Variants in ST6GAL1 observed in about 807,000 individuals in gnomAD.
ST6GAL1 encodes the protein beta-galactoside alpha-2,6-sialyltransferase 1.
In ST6GAL1, 20 loss-of-function variants were observed where a neutral mutation model predicts 38.0. The observed-to-expected ratio is 0.53, with a 90% CI of 0.37 to 0.77. The LOEUF (loss-of-function observed/expected upper bound fraction) is 0.77. ST6GAL1 is among the 30% of genes least tolerant of loss of function. ST6GAL1 has a pLI of 0.00. For synonymous variants in ST6GAL1, 196 were observed against 188.2 expected (o/e 1.04, Z -0.34); for missense variants, 432 against 496.4 (o/e 0.87, Z 1.23).
At chr3:186,958,441 A>G (rs1714817035) in intron 1 of ST6GAL1, among the ~76,000 whole-genome samples, 1 of 152,062 alleles carries the variant, frequency 6.6e-6, no homozygotes, top group African/African-American at 2.4e-5. Context: ...ATTTTCTATA[A>G]TAGGAAGTTA....
chr3:187,068,045 A>T (rs1432448303), intron 5 of ST6GAL1, among the ~76,000 whole-genome samples: 1 of 152,220 alleles, frequency 6.6e-6, no homozygotes, highest in African/African-American at 2.4e-5. Context: ...CACATAGGTT[A>T]GAAGTGTGGT....
chr3:186,938,495 G>C (rs1027712145), intron 1 of ST6GAL1, among the ~76,000 whole-genome samples: 1 of 152,282 alleles, frequency 6.6e-6, no homozygotes, highest in Non-Finnish European at 1.5e-5. Context: ...TTAAGTAATA[G>C]CTGTTATTGT....
chr3:186,934,739 T>TA (rs1713880202), intron 1 of ST6GAL1, among the ~76,000 whole-genome samples: 6 of 145,946 alleles, frequency 4.1e-5, no homozygotes, highest in Non-Finnish European at 7.5e-5. Context: ...TACCAGCTTT[T>TA]AAAAAATTTT....
At chr3:187,057,364 T>C (rs1718741928) in intron 5 of ST6GAL1, among the ~76,000 whole-genome samples, 1 of 152,238 alleles carries the variant, frequency 6.6e-6, no homozygotes, top group Non-Finnish European at 1.5e-5. Flanking sequence ...GGAGCTGCGA[T>C]CCTTTGGAGG....
At chr3:186,943,475 G>A (rs1445751913) in intron 1 of ST6GAL1, among the ~76,000 whole-genome samples, 1 of 151,808 alleles carries the variant, frequency 6.6e-6, no homozygotes, top group East Asian at 1.9e-4. Context: ...ATTTTTAGAC[G>A]GAGTCTCGCT....
Position 187,075,735 on chromosome 3 carries a change from G to C in ST6GAL1, c.1153G>C (p.Gly385Arg). 6.2e-7 allele frequency: 1 copy of C among 1,614,202 alleles called. No homozygotes were observed. The highest frequency in any genetic ancestry group is 8.5e-7 in the Non-Finnish European group (1 of 1,180,040). Residue 385 changes from glycine to arginine, a missense_variant, in exon 8 of 8, where the codon GGC becomes CGC. Coordinates refer to ENST00000169298, the MANE Select transcript of ST6GAL1 (RefSeq NM_173216.2). This position sits in a 1 kb window ranked among gnomAD's most constrained non-coding sequence, Gnocchi z 4.1. ...GAATTTGGTGAAGCATCTCAACCAG[G>C]GCACAGATGAGGACATCTACCTGCT... The part of the protein sequence containing the change: ...EKNLVKHLNQ[G>R]TDEDIYLLGK...
chr3:186,957,927 A>G (rs1714801104), intron 1 of ST6GAL1, among the ~76,000 whole-genome samples: 1 of 152,164 alleles, frequency 6.6e-6, no homozygotes, highest in African/African-American at 2.4e-5. Flanking sequence ...TCTATGATGC[A>G]TTTGTTTCTC....
intron 5 of ST6GAL1, among the ~76,000 whole-genome samples, chr3:187,065,946 A>G (rs2108598293): frequency 6.6e-6 from 1 of 152,336 alleles, no homozygotes; most frequent in Non-Finnish European, 1.5e-5. Context: ...ACAGGAGCCC[A>G]GAAAGTAAGC....
At chr3:186,997,112 G>A (rs974628091) in intron 2 of ST6GAL1, among the ~76,000 whole-genome samples, 4 of 152,030 alleles carry the variant, frequency 2.6e-5, no homozygotes, top group African/African-American at 9.7e-5. Flanking sequence ...AAATAGTTAA[G>A]TAATAATATA....
chr3:187,010,116 C>T (rs1337692999), intron 2 of ST6GAL1, among the ~76,000 whole-genome samples: 3 of 152,128 alleles, frequency 2.0e-5, no homozygotes, highest in African/African-American at 7.2e-5. Context: ...GAGGTTATTT[C>T]AGGTTATTCA....
chr3:186,987,388 C>T (rs959146654), intron 2 of ST6GAL1, among the ~76,000 whole-genome samples: 2 of 152,070 alleles, frequency 1.3e-5, no homozygotes, highest in African/African-American at 2.4e-5. Flanking sequence ...GGTAACCTAC[C>T]CAAGGTCCAC....
intron 4 of ST6GAL1, among the ~76,000 whole-genome samples, chr3:187,050,689 G>T (rs1718485272): frequency 6.6e-6 from 1 of 152,164 alleles, no homozygotes; most frequent in Non-Finnish European, 1.5e-5. Context: ...CACCAGTTCT[G>T]TGACTCTTCC....
chr3:187,072,608 A>C, intron 5 of ST6GAL1: 1 of 451,300 alleles, frequency 2.2e-6, no homozygotes, highest in South Asian at 2.0e-5. Context: ...TCAAAGCCTG[A>C]CTGGATGGAA....
At chr3:186,966,587 C>T (rs1317829248) in intron 2 of ST6GAL1, among the ~76,000 whole-genome samples, 1 of 152,258 alleles carries the variant, frequency 6.6e-6, no homozygotes, top group Non-Finnish European at 1.5e-5. Flanking sequence ...CTCGGAAGCT[C>T]TGTGAACAGC....
In ST6GAL1 at chr3:186,974,404, C is replaced by G. The variant is rs145226011; in HGVS notation, c.-183+10478C>G. On this transcript the variant is annotated intron_variant, in intron 2 of 7. Transcript: ENST00000169298. Reference sequence around the variant, plus strand: ...CTCATAACTCACTTTATCACTCAGCCGAACAGTGAGCCACCATGGACCATG... The same window carrying G: ...CTCATAACTCACTTTATCACTCAGCGGAACAGTGAGCCACCATGGACCATG... 4.3e-3 allele frequency among the ~76,000 whole-genome samples: 652 copies of G among 152,096 alleles called. 6 individuals carry two copies. The highest frequency in any genetic ancestry group is 6.8e-3 in the Non-Finnish European group (460 of 67,998).
intron 5 of ST6GAL1, among the ~76,000 whole-genome samples, chr3:187,052,217 T>G (rs1025777927): frequency 6.6e-6 from 1 of 152,172 alleles, no homozygotes; most frequent in East Asian, 1.9e-4. Context: ...CTTCACTTCC[T>G]TACTTTCAGG....
chr3:187,053,843 T>A (rs1451245342), intron 5 of ST6GAL1, among the ~76,000 whole-genome samples: 1 of 152,218 alleles, frequency 6.6e-6, no homozygotes, highest in Non-Finnish European at 1.5e-5. Flanking sequence ...AAGAATGTCA[T>A]TGGTAGCTTG....
At chr3:187,064,215 T>G (rs1214558163) in intron 5 of ST6GAL1, among the ~76,000 whole-genome samples, 1 of 152,184 alleles carries the variant, frequency 6.6e-6, no homozygotes, top group African/African-American at 2.4e-5. Context: ...GAAGATTTTA[T>G]TTTACTCGTA....
Position 187,077,127 on chromosome 3 carries a change from G to C in ST6GAL1, c.*1324G>C. 2.5e-6 allele frequency: 1 copy of C among 397,860 alleles called. No individual in the cohort carries two copies. The highest frequency in any genetic ancestry group is 4.4e-6 in the Non-Finnish European group (1 of 225,856). 24.6% of individuals were successfully genotyped at this position (397,860 alleles called of 1,614,324 possible). ...TCAGAGGTCAGAACCTTGGAGATCA[G>C]AACTGATTCTCACCAGGTGTGAGAG... On this transcript the variant is annotated 3_prime_UTR_variant, in exon 8 of 8. Coordinates refer to ENST00000169298, the MANE Select transcript of ST6GAL1 (RefSeq NM_173216.2).
Sources: gnomAD v4.1 joint callset for allele counts (sites outside exome capture counted in the v4.1 genomes callset) on GRCh38, gnomAD v4.1.1 for gene constraint, Gnocchi (gnomAD v3.1) non-coding constraint, MANE v1.5 for transcripts, NCBI Gene and HGNC (gene_info 2026-07-23, HGNC 2026-07-21) for gene names.